ERGIC2: variants seen among roughly 807,000 people sequenced by gnomAD.
The protein encoded by ERGIC2 is endoplasmic reticulum-Golgi intermediate compartment protein 2.
A neutral mutation model predicts 52.5 loss-of-function variants in ERGIC2; 31 were observed. The observed-to-expected ratio is 0.59, with a 90% CI of 0.44 to 0.80. ERGIC2 has a LOEUF of 0.80. ERGIC2 is among the 30% of genes least tolerant of loss of function. The probability of loss-of-function intolerance (pLI) is 0.00; values close to 1 mark genes in which losing one functional copy is unlikely to be tolerated. For missense variants in ERGIC2, 395 were observed against 455.2 expected (o/e 0.87, Z 1.20); for synonymous variants, 129 against 140.6 (o/e 0.92, Z 0.58).
chr12:29,341,218 C>A lies in ERGIC2; in HGVS notation c.1072G>T (p.Val358Phe). The change falls in exon 14 of 14, where the codon GTT becomes TTT. Residue 358 changes from valine to phenylalanine, a missense_variant and splice_region_variant. Physicochemically the swap from Val to Phe is conservative, Grantham distance 50. Coordinates refer to ENST00000360150, the MANE Select transcript of ERGIC2 (RefSeq NM_016570.3). ...RLGSYKPVNS[V>F]PFEDGHTDNH... ...TCTGTGTGGCCATCCTCAAAAGGAA[C>A]CTAAGGAGAAAAGGAGGGAAAAAAA... 1 of 1,605,994 alleles carries A rather than the reference C, an allele frequency of 6.2e-7. No homozygotes were observed. The highest frequency in any genetic ancestry group is 8.5e-7 in the Non-Finnish European group (1 of 1,175,206).
chr12:29,345,967 C>T (rs1940046202), intron 10 of ERGIC2, among the ~76,000 whole-genome samples: 1 of 151,708 alleles, frequency 6.6e-6, no homozygotes. Context: ...AAAATAAAAA[C>T]ATTTAATCTG....
intron 6 of ERGIC2, 85 bp from the exon 7 acceptor site, chr12:29,357,809 CTTAG>C (rs1940229753): frequency 1.5e-5 from 12 of 786,260 alleles, no homozygotes; most frequent in Non-Finnish European, 2.6e-5. Flanking sequence ...GTTTAGCTGA[CTTAG>C]TTAAATCATA....
intron 8 of ERGIC2, among the ~76,000 whole-genome samples, chr12:29,351,546 G>A (rs974128643): frequency 5.3e-5 from 8 of 152,160 alleles, no homozygotes; most frequent in African/African-American, 1.9e-4. Context: ...CTTATCAAGA[G>A]TTTAGGAACT....
intron 8 of ERGIC2, among the ~76,000 whole-genome samples, chr12:29,351,859 G>C (rs970057094): frequency 2.6e-5 from 4 of 151,940 alleles, no homozygotes; most frequent in African/African-American, 9.7e-5. Flanking sequence ...TAATTTTTCT[G>C]ATCATTGCTT....
intron 6 of ERGIC2, among the ~76,000 whole-genome samples, chr12:29,361,182 G>T (rs1940280902): frequency 6.6e-6 from 1 of 152,106 alleles, no homozygotes; most frequent in Non-Finnish European, 1.5e-5. Flanking sequence ...AACCTGTGAG[G>T]TGGGGGTTGC....
chr12:29,347,545 C>T (rs1210622178), intron 10 of ERGIC2, among the ~76,000 whole-genome samples: 2 of 151,974 alleles, frequency 1.3e-5, no homozygotes, highest in African/African-American at 4.8e-5. Flanking sequence ...TGCCCTAACA[C>T]TTATTACCTA....
chr12:29,345,575 A>AGTTTTGTT, intron 10 of ERGIC2, 35 bp from the exon 11 acceptor site: 1 of 1,114,800 alleles, frequency 9.0e-7, no homozygotes, highest in Non-Finnish European at 1.4e-6. Context: ...TCAATTCAGT[A>AGTTTTGTT]GCAACAAAAC....
chr12:29,341,096 A>C lies in ERGIC2; in HGVS notation c.*60T>G, dbSNP rs1430422967. On this transcript the variant is annotated 3_prime_UTR_variant, in exon 14 of 14. Coordinates refer to ENST00000360150, the MANE Select transcript of ERGIC2 (RefSeq NM_016570.3). Reference sequence around the variant, plus strand: ...CTTTGAATATATTGCACAATATTTTATTATTAAAAAAAGGTTTTATGTCTC... The same window carrying C: ...CTTTGAATATATTGCACAATATTTTCTTATTAAAAAAAGGTTTTATGTCTC... The C allele has an allele frequency of 9.3e-7, 1 of 1,076,574 alleles. No homozygotes were observed. The highest frequency in any genetic ancestry group is 1.6e-5 in the African/African-American group (1 of 62,652). The allele number at this position is 1,076,574 out of a possible 1,614,324, so 66.7% of individuals were successfully genotyped here.
intron 5 of ERGIC2, among the ~76,000 whole-genome samples, chr12:29,363,659 T>A (rs1204799243): frequency 2.0e-5 from 3 of 152,062 alleles, no homozygotes; most frequent in Admixed American, 6.5e-5. Flanking sequence ...CTGTCCCAAC[T>A]GCTTAATTCT....
rs1462368948 is a variant in ERGIC2, at chr12:29,338,147, C to G, written c.*3009G>C. On this transcript the variant is annotated 3_prime_UTR_variant, in exon 14 of 14. Transcript: ENST00000360150. ...TGAGATTGCACCACTGCACTCCAGC[C>G]TAGGCGACAGAGCGAGACTCAGTTT... The G allele has an allele frequency of 6.8e-6, 1 of 146,474 alleles. No individual in the cohort carries two copies. The highest frequency in any genetic ancestry group is 1.5e-5 in the Non-Finnish European group (1 of 67,440). The allele number at this position is 146,474 out of a possible 1,614,324, so 9.1% of individuals were successfully genotyped here.
At chr12:29,352,936 C>T (rs906384042) in intron 8 of ERGIC2, among the ~76,000 whole-genome samples, 3 of 152,122 alleles carry the variant, frequency 2.0e-5, no homozygotes, top group Non-Finnish European at 4.4e-5. Flanking sequence ...CACAATCCTG[C>T]TTTACCCAGT....
rs774660748 is a variant in ERGIC2, at chr12:29,366,858, C to T, written c.333+19G>A. Reference sequence around the variant, plus strand: ...TCCTCAACCCGTGTATTTCAAAAAACCATGTGAATCAAACTTACTGGTTCA... The same window carrying T: ...TCCTCAACCCGTGTATTTCAAAAAATCATGTGAATCAAACTTACTGGTTCA... On this transcript the variant is annotated intron_variant, in intron 5 of 13. Transcript: ENST00000360150. 1 of 1,550,226 alleles carries T rather than the reference C, an allele frequency of 6.5e-7. No individual in the cohort carries two copies. The highest frequency in any genetic ancestry group is 8.8e-7 in the Non-Finnish European group (1 of 1,131,642).
intron 12 of ERGIC2, among the ~76,000 whole-genome samples, chr12:29,342,308 C>G (rs903085662): frequency 6.6e-6 from 1 of 152,206 alleles, no homozygotes; most frequent in Non-Finnish European, 1.5e-5. Flanking sequence ...GCCACTGCAC[C>G]GGGCCTAAAC....
rs3837479 is a variant in ERGIC2, at chr12:29,353,687, ACT to A, written c.572+2693_572+2694del. On this transcript the variant is annotated intron_variant, in intron 8 of 13. Transcript: ENST00000360150. Reference sequence around the variant, plus strand: ...GATCTCTCTCACCACCCAGGATTTTACTCTGAGAGGAACAGAGAGCTGTTTTA... The same window carrying A: ...GATCTCTCTCACCACCCAGGATTTTACTGAGAGGAACAGAGAGCTGTTTTA... Among the ~76,000 whole-genome samples, 1,263 of 150,460 alleles carry A rather than the reference ACT, an allele frequency of 8.4e-3. 19 individuals carry two copies. Among genetic ancestry groups the A allele is most frequent in the East Asian group, 0.034 (173 of 5,070 alleles).
chr12:29,378,161 TAAG>T (rs1212550548), intron 1 of ERGIC2, among the ~76,000 whole-genome samples: 1 of 152,186 alleles, frequency 6.6e-6, no homozygotes, highest in Non-Finnish European at 1.5e-5. Flanking sequence ...GGTGTCCTTT[TAAG>T]AAGGCCATGT....
rs3213813 is a variant in ERGIC2 at position 29,366,829 on chromosome 12, C to T, written c.333+48G>A. ...AAGCAACTATCTGTCTTCAAGCGTACGATTCCTCAACCCGTGTATTTCAAA... is the reference window on the plus strand; with the variant it reads ...AAGCAACTATCTGTCTTCAAGCGTATGATTCCTCAACCCGTGTATTTCAAA... On this transcript the variant is annotated intron_variant, in intron 5 of 13. Transcript: ENST00000360150. 102 of 1,163,332 alleles carry T rather than the reference C, an allele frequency of 8.8e-5. 1 individual carries two copies. The East Asian group carries it at 2.0e-3, about 23-fold the overall frequency. The allele number at this position is 1,163,332 out of a possible 1,614,324, so 72.1% of individuals were successfully genotyped here. A position where few individuals can be genotyped will look rare whatever the true frequency, so the allele number is the denominator to read the frequency against.
intron 6 of ERGIC2, among the ~76,000 whole-genome samples, chr12:29,360,384 T>G (rs1017231913): frequency 4.6e-5 from 7 of 151,114 alleles, no homozygotes; most frequent in Non-Finnish European, 8.9e-5. Context: ...GACCATTATA[T>G]ATATAGAAAT....
intron 5 of ERGIC2, among the ~76,000 whole-genome samples, chr12:29,364,660 G>T (rs569284504): frequency 2.6e-5 from 4 of 151,958 alleles, no homozygotes; most frequent in Admixed American, 2.6e-4. Flanking sequence ...ACTACCAACA[G>T]AGTAAACAGA....
chr12:29,344,561 C>A (rs771261025), intron 11 of ERGIC2, among the ~76,000 whole-genome samples: 63 of 151,974 alleles, frequency 4.1e-4, no homozygotes, highest in Non-Finnish European at 8.1e-4. Flanking sequence ...CATACCTATA[C>A]ATATATATGC....
Sources: gnomAD v4.1 joint callset for allele counts (sites outside exome capture counted in the v4.1 genomes callset) on GRCh38, gnomAD v4.1.1 for gene constraint, MANE v1.5 for transcripts, NCBI Gene and HGNC (gene_info 2026-07-23, HGNC 2026-07-21) for gene names.